The following PLCB1 variants were observed in gnomAD, a reference collection of about 807,000 sequenced individuals.
The protein encoded by PLCB1 is 1-phosphatidylinositol 4,5-bisphosphate phosphodiesterase beta-1.
Under a neutral mutation model 161.8 loss-of-function variants are expected in PLCB1, and 46 were observed. That is an observed-to-expected ratio of 0.28 (90% confidence interval 0.22 to 0.36). The LOEUF (loss-of-function observed/expected upper bound fraction) is 0.36. PLCB1 is among the 10% of genes least tolerant of loss of function. PLCB1 has a pLI of 1.00. For missense variants in PLCB1, 1,016 were observed against 1,472.5 expected, an observed-to-expected ratio of 0.69 and a Z score of 5.07; for synonymous variants, 517 against 503.7, an observed-to-expected ratio of 1.03 and a Z score of -0.35.
chr20:8,867,717 G>A (rs187970856), intron 31 of PLCB1, among the ~76,000 whole-genome samples: 109 of 152,192 alleles, frequency 7.2e-4, no homozygotes, highest in Admixed American at 1.6e-3. Flanking sequence ...TGGACTCTTG[G>A]TATATGTTAA....
At chr20:8,241,570 A>G (rs2123205015) in intron 2 of PLCB1, among the ~76,000 whole-genome samples, 1 of 152,056 alleles carries the variant, frequency 6.6e-6, no homozygotes, top group African/African-American at 2.4e-5. Flanking sequence ...TTAGGCACCG[A>G]GTAGAGGCAA....
At chr20:8,766,682 G>A (rs766145896) in intron 26 of PLCB1, among the ~76,000 whole-genome samples, 5 of 152,206 alleles carry the variant, frequency 3.3e-5, no homozygotes, top group Non-Finnish European at 7.3e-5. Flanking sequence ...GAGAGTCTCA[G>A]AGCAATGACT....
chr20:8,475,934 A>G (rs1982258483), intron 3 of PLCB1, among the ~76,000 whole-genome samples: 1 of 152,222 alleles, frequency 6.6e-6, no homozygotes, highest in African/African-American at 2.4e-5. Context: ...ACACTGTCAT[A>G]CACCACTGCT....
Position 8,767,245 on chromosome 20 carries a change from C to T in PLCB1, c.2930+1887C>T, listed in dbSNP as rs116711523. ...GAGTTTCTGCCTCAGGGGCCTCCTT[C>T]GGTAGGGACTGAGCTTCTGAGCTTC... On this transcript the variant is annotated intron_variant, in intron 26 of 31. Transcript: ENST00000338037. Among the ~76,000 whole-genome samples the T allele has an allele frequency of 4.4e-3, 676 of 152,280 alleles. 4 individuals carry two copies. The highest frequency in any genetic ancestry group is 0.016 in the African/African-American group (649 of 41,552).
intron 2 of PLCB1, among the ~76,000 whole-genome samples, chr20:8,316,897 A>G (rs1445779702): frequency 6.6e-6 from 1 of 152,054 alleles, no homozygotes; most frequent in East Asian, 1.9e-4. Context: ...CTCTCATAAA[A>G]AATTTATTTA....
intron 3 of PLCB1, among the ~76,000 whole-genome samples, chr20:8,421,874 T>C (rs1472565690): frequency 6.6e-6 from 1 of 152,198 alleles, no homozygotes; most frequent in African/African-American, 2.4e-5. Context: ...AAAATGAATA[T>C]GCATGCTGAA....
chr20:8,697,520 C>T, intron 10 of PLCB1, 106 bp from the exon 11 acceptor site: 4 of 1,114,554 alleles, frequency 3.6e-6, no homozygotes, highest in Non-Finnish European at 5.3e-6. Context: ...ACTGCTGCAG[C>T]TCTTAGACTC....
At chr20:8,881,328 CGTGTGT>C (rs3222517) in intron 31 of PLCB1, among the ~76,000 whole-genome samples, 150 of 128,950 alleles carry the variant, frequency 1.2e-3, no homozygotes, top group East Asian at 2.5e-3. Context: ...TCAAAAGACC[CGTGTGT>C]GTGTGTGTGT....
chr20:8,335,373 T>C (rs1400991728), intron 2 of PLCB1, among the ~76,000 whole-genome samples: 2 of 152,218 alleles, frequency 1.3e-5, no homozygotes, highest in African/African-American at 2.4e-5. Flanking sequence ...GCCTTGGTGA[T>C]GAACCATAAA....
chr20:8,798,822 A>T (rs1242598363), intron 31 of PLCB1, among the ~76,000 whole-genome samples: 1 of 152,262 alleles, frequency 6.6e-6, no homozygotes, highest in Non-Finnish European at 1.5e-5. Flanking sequence ...ACTCTGGGAA[A>T]TATAGTTTGG....
chr20:8,274,480 C>CA (rs1982432871), intron 2 of PLCB1, among the ~76,000 whole-genome samples: 1 of 150,830 alleles, frequency 6.6e-6, no homozygotes, highest in African/African-American at 2.4e-5. Context: ...TTACTTGTGT[C>CA]GTTTTTTTTT....
At chr20:8,621,196 C>T (rs1988174514) in intron 3 of PLCB1, among the ~76,000 whole-genome samples, 1 of 152,054 alleles carries the variant, frequency 6.6e-6, no homozygotes. Context: ...AACAGGAAGG[C>T]ACATAGGATC....
At chr20:8,754,731 G>A (rs1487577436) in intron 23 of PLCB1, among the ~76,000 whole-genome samples, 1 of 152,192 alleles carries the variant, frequency 6.6e-6, no homozygotes, top group African/African-American at 2.4e-5. Context: ...CACTGTGGGT[G>A]TATAGGTCCC....
chr20:8,674,354 C>G (rs184327668), intron 9 of PLCB1, among the ~76,000 whole-genome samples: 3 of 152,188 alleles, frequency 2.0e-5, no homozygotes, highest in East Asian at 1.9e-4. Context: ...AAACAAGTCT[C>G]TCTCTCTCAC....
At chr20:8,315,254 G>A (rs1379589399) in intron 2 of PLCB1, among the ~76,000 whole-genome samples, 1 of 152,150 alleles carries the variant, frequency 6.6e-6, no homozygotes, top group African/African-American at 2.4e-5. Context: ...GACAGAAAAG[G>A]GTGAAGCAAT....
Position 8,554,492 on chromosome 20 carries a change from G to C in PLCB1, c.247-73802G>C, listed in dbSNP as rs532526955. ...CTCAAAATTATAGTGTTTTTGAAGA[G>C]AGCTGAAGAGACACAAAATGGACCA... On this transcript the variant is annotated intron_variant, in intron 3 of 31. Coordinates refer to ENST00000338037, the MANE Select transcript of PLCB1 (RefSeq NM_015192.4). Among the ~76,000 whole-genome samples, 8 of 152,216 alleles carry C rather than the reference G, an allele frequency of 5.3e-5. 1 individual carries two copies. The highest frequency in any genetic ancestry group is 1.9e-4 in the African/African-American group (8 of 41,538).
chr20:8,301,805 T>A (rs948673897), intron 2 of PLCB1, among the ~76,000 whole-genome samples: 4 of 152,340 alleles, frequency 2.6e-5, no homozygotes, highest in East Asian at 1.9e-4. Context: ...TGCCTTGAGT[T>A]TGCACGGCAA....
intron 2 of PLCB1, among the ~76,000 whole-genome samples, chr20:8,268,489 G>A (rs1568611660): frequency 1.3e-5 from 2 of 152,110 alleles, no homozygotes; most frequent in African/African-American, 4.8e-5. Context: ...CCCAGTAATG[G>A]GATGGCTGGA....
At chr20:8,690,206 T>G (rs943921059) in intron 10 of PLCB1, among the ~76,000 whole-genome samples, 1 of 151,554 alleles carries the variant, frequency 6.6e-6, no homozygotes, top group Admixed American at 6.6e-5. Flanking sequence ...TACCAAGGTT[T>G]GCATTAGATA....
Sources: allele counts gnomAD v4.1 joint callset (sites outside exome capture counted in the v4.1 genomes callset), GRCh38; gene constraint gnomAD v4.1.1; transcripts MANE v1.5; gene names NCBI Gene and HGNC (gene_info 2026-07-23, HGNC 2026-07-21).